DNAAF11: variants seen among roughly 807,000 people sequenced by gnomAD.
DNAAF11 encodes the protein dynein axonemal assembly factor 11, also known as leucine rich repeat containing 6.
DNAAF11 carries 45 observed loss-of-function variants against 60.8 expected under a neutral mutation model. The ratio of observed to expected loss-of-function variants is 0.74; its 90% CI spans 0.58 to 0.95. DNAAF11 has a LOEUF of 0.95. DNAAF11 is among the 40% of genes least tolerant of loss of function. The pLI is 0.00. For missense variants in DNAAF11, 546 were observed against 546.2 expected (o/e 1.00, Z 0.00); for synonymous variants, 191 against 183.5 (o/e 1.04, Z -0.33).
At chr8:132,598,951 C>CA (rs1188877487) in intron 10 of DNAAF11, among the ~76,000 whole-genome samples, 3 of 152,004 alleles carry the variant, frequency 2.0e-5, no homozygotes, top group Non-Finnish European at 4.4e-5. Context: ...GACAGAAACA[C>CA]AAAAAACCCT....
chr8:132,677,440 A>AAT (rs955170612), upstream of DNAAF11, among the ~76,000 whole-genome samples: 7 of 152,092 alleles, frequency 4.6e-5, no homozygotes, highest in African/African-American at 1.7e-4. Flanking sequence ...AATTAAAAAA[A>AAT]AATAATAAAG....
chr8:132,637,630 G>T (rs1352379398), intron 4 of DNAAF11, among the ~76,000 whole-genome samples: 4 of 151,704 alleles, frequency 2.6e-5, no homozygotes, highest in African/African-American at 9.7e-5. Context: ...AAGTAATAAT[G>T]AATTCTTATC....
rs545472210 is a variant in DNAAF11 at position 132,598,551 on chromosome 8, T to C, written c.1140+11615A>G. On this transcript the variant is annotated intron_variant, in intron 10 of 11. Transcript: ENST00000620350. ...TTCAGGGCAGGGGCCAAGCCAATTT[T>C]ATTTTTCTATTCATAAAAAGTATAG... is the stretch of plus-strand genomic sequence containing the variant. 1.5e-4 allele frequency among the ~76,000 whole-genome samples: 23 copies of C among 152,324 alleles called. No homozygotes were observed. The East Asian group carries it at 4.4e-3, about 29-fold the overall frequency.
At chr8:132,681,193 A>G in the DNAAF11 span, among the ~76,000 whole-genome samples, 11 of 150,858 alleles carry the variant, frequency 7.3e-5, no homozygotes, top group Non-Finnish European at 1.3e-4. Context: ...TATTTTTAGT[A>G]GATATGGGGT....
chr8:132,664,653 C>T (rs542674301), intron 1 of DNAAF11, among the ~76,000 whole-genome samples: 8 of 138,438 alleles, frequency 5.8e-5, no homozygotes, highest in South Asian at 2.3e-4. Context: ...TTTGTAAAGA[C>T]AGGGTTTCAC....
chr8:132,647,870 G>A (rs965506165), intron 3 of DNAAF11, among the ~76,000 whole-genome samples: 4 of 151,122 alleles, frequency 2.6e-5, no homozygotes, highest in Non-Finnish European at 5.9e-5. Context: ...GGCAGTAATA[G>A]CCTAAAAACC....
At chr8:132,662,929 A>G in intron 1 of DNAAF11, among the ~76,000 whole-genome samples, 1 of 152,248 alleles carries the variant, frequency 6.6e-6, no homozygotes, top group East Asian at 1.9e-4. Flanking sequence ...GTACGAACTT[A>G]TCATTCATGT....
chr8:132,689,673 A>G, the DNAAF11 span, among the ~76,000 whole-genome samples: 1 of 151,726 alleles, frequency 6.6e-6, no homozygotes, highest in Admixed American at 6.6e-5. Flanking sequence ...TGACTCATAT[A>G]CATATATGTG....
chr8:132,696,533 G>C, the DNAAF11 span, among the ~76,000 whole-genome samples: 1 of 152,104 alleles, frequency 6.6e-6, no homozygotes, highest in East Asian at 1.9e-4. Context: ...TTGGTGAATG[G>C]ATAAACAAAT....
chr8:132,634,702 A>G (rs958510406), intron 4 of DNAAF11, among the ~76,000 whole-genome samples: 1 of 149,368 alleles, frequency 6.7e-6, no homozygotes, highest in Non-Finnish European at 1.5e-5. Flanking sequence ...AACTAATACT[A>G]TATAAATAAA....
chr8:132,624,087 T>C (rs1280342278), intron 6 of DNAAF11, among the ~76,000 whole-genome samples: 1 of 152,186 alleles, frequency 6.6e-6, no homozygotes, highest in African/African-American at 2.4e-5. Flanking sequence ...AGATTAGATA[T>C]TATTTCTACA....
chr8:132,689,676 T>C, the DNAAF11 span, among the ~76,000 whole-genome samples: 1 of 151,454 alleles, frequency 6.6e-6, no homozygotes, highest in African/African-American at 2.4e-5. Flanking sequence ...CTCATATACA[T>C]ATATGTGTGT....
In DNAAF11 at chr8:132,670,777, G is replaced by C. The variant is rs182553200; in HGVS notation, c.10+4707C>G. On this transcript the variant is annotated intron_variant, in intron 1 of 11. Transcript: ENST00000620350. ...ATTATACATTATAACCAAGGGGGGAGTTATCCAATGTATACGAGGTTGATA... is the reference window on the plus strand; with the variant it reads ...ATTATACATTATAACCAAGGGGGGACTTATCCAATGTATACGAGGTTGATA... Among the ~76,000 whole-genome samples the C allele has an allele frequency of 4.9e-3, 750 of 152,242 alleles. 3 individuals carry two copies. The highest frequency in any genetic ancestry group is 6.7e-3 in the Non-Finnish European group (458 of 68,004).
rs542350561 is a variant in DNAAF11, at chr8:132,669,002, T to C, written c.10+6482A>G. Among the ~76,000 whole-genome samples, 5 of 152,278 alleles carry C rather than the reference T, an allele frequency of 3.3e-5. No individual in the cohort carries two copies. The East Asian group carries it at 9.7e-4, about 29-fold the overall frequency. On this transcript the variant is annotated intron_variant, in intron 1 of 11. Transcript: ENST00000620350. ...AAGTCCACATTCAATGACTGGTTGATGTAGGGGCTATAAAGGCCCAGTTCT... is the reference window on the plus strand; with the variant it reads ...AAGTCCACATTCAATGACTGGTTGACGTAGGGGCTATAAAGGCCCAGTTCT...
chr8:132,633,052 T>A, intron 4 of DNAAF11, 89 bp from the exon 5 acceptor site: 2 of 713,754 alleles, frequency 2.8e-6, no homozygotes, highest in South Asian at 1.8e-5. Flanking sequence ...AATAATAATA[T>A]ACCCGATAGT....
intron 10 of DNAAF11, among the ~76,000 whole-genome samples, chr8:132,587,465 G>A (rs1816022133): frequency 6.6e-6 from 1 of 151,932 alleles, no homozygotes. Context: ...TTTCTGATAA[G>A]ATCAAATTTG....
chr8:132,693,372 G>A, the DNAAF11 span, among the ~76,000 whole-genome samples: 5 of 152,012 alleles, frequency 3.3e-5, no homozygotes, highest in African/African-American at 1.2e-4. Flanking sequence ...ATGTGTATGT[G>A]CATATTTATG....
chr8:132,698,649 G>T, the DNAAF11 span, among the ~76,000 whole-genome samples: 1 of 152,050 alleles, frequency 6.6e-6, no homozygotes, highest in East Asian at 1.9e-4. Flanking sequence ...GTTCACTAAT[G>T]GGTCATATCC....
chr8:132,669,788 TA>T (rs1336066479), intron 1 of DNAAF11, among the ~76,000 whole-genome samples: 2 of 151,434 alleles, frequency 1.3e-5, no homozygotes, highest in African/African-American at 4.8e-5. Context: ...CATAAGGAAA[TA>T]AAAAGGAAAA....
Sources: allele counts gnomAD v4.1 joint callset (sites outside exome capture counted in the v4.1 genomes callset), GRCh38; gene constraint gnomAD v4.1.1; transcripts MANE v1.5; gene names NCBI Gene and HGNC (gene_info 2026-07-23, HGNC 2026-07-21).